ZFHX3: variants seen among roughly 807,000 people sequenced by gnomAD.
ZFHX3 encodes zinc finger homeobox 3.
ZFHX3 carries 42 observed loss-of-function variants against 279.1 expected under a neutral mutation model. The ratio of observed to expected loss-of-function variants is 0.15; its 90% CI spans 0.12 to 0.19. The LOEUF (loss-of-function observed/expected upper bound fraction) is 0.19, where lower values mean the gene tolerates loss of function less well. Among genes scored for constraint, ZFHX3 ranks in the 10% least tolerant of loss-of-function variants. The probability of loss-of-function intolerance (pLI) is 1.00; values close to 1 mark genes in which losing one functional copy is unlikely to be tolerated. For missense variants in ZFHX3, 4,981 were observed against 4,754.0 expected (o/e 1.05, Z -1.40); for synonymous variants, 2,293 against 1,957.8 (o/e 1.17, Z -4.52).
At chr16:72,850,360 C>A (rs1404457916) in intron 4 of ZFHX3, among the ~76,000 whole-genome samples, 1 of 152,250 alleles carries the variant, frequency 6.6e-6, no homozygotes, top group Non-Finnish European at 1.5e-5. Flanking sequence ...ACAGGACGAA[C>A]GACCATCCCA....
intron 7 of ZFHX3, among the ~76,000 whole-genome samples, chr16:73,112,356 T>C (rs923579641): frequency 1.3e-4 from 20 of 151,754 alleles, no homozygotes; most frequent in African/African-American, 4.8e-4. Context: ...GCAAGGAGCT[T>C]TGGGAGTCCT....
At chr16:73,599,479 G>C (rs926024600) in intron 2 of ZFHX3, among the ~76,000 whole-genome samples, 1 of 152,216 alleles carries the variant, frequency 6.6e-6, no homozygotes, top group Non-Finnish European at 1.5e-5. Context: ...AGCAGAAGTG[G>C]GGCCCTTCTG....
intron 5 of ZFHX3, among the ~76,000 whole-genome samples, chr16:72,827,219 G>A (rs1160939890): frequency 6.6e-6 from 1 of 152,146 alleles, no homozygotes; most frequent in Non-Finnish European, 1.5e-5. Context: ...ATGCTGCCTT[G>A]CAACAGAGGA....
intron 7 of ZFHX3, among the ~76,000 whole-genome samples, chr16:72,801,938 C>G (rs1240192176): frequency 6.6e-6 from 1 of 151,818 alleles, no homozygotes; most frequent in Non-Finnish European, 1.5e-5. Flanking sequence ...AAGACTCCCC[C>G]CCACCTCCTT....
Position 72,950,786 on chromosome 16 carries a change from C to T in ZFHX3, c.2899G>A (p.Val967Met), listed in dbSNP as rs776123634. The change falls in exon 3 of 10, where the codon GTG (valine) becomes ATG (methionine). Residue 967 changes from valine (V) to methionine (M), a missense_variant. Coordinates refer to ENST00000268489, the MANE Select transcript of ZFHX3 (RefSeq NM_006885.4). ...TCGTCCTCCGACAGGCTGCGCTCCA[C>T]GTTCATGTGCAGGCCCAGCATGTCC... Reference protein sequence around the residue: ...NLDMLGLHMNVERSLSEDEWK... With the variant: ...NLDMLGLHMNMERSLSEDEWK... The T allele has an allele frequency of 1.9e-6, 3 of 1,614,248 alleles. No homozygotes were observed. The highest frequency in any genetic ancestry group is 1.6e-4 in the Middle Eastern group (1 of 6,062).
intron 3 of ZFHX3, among the ~76,000 whole-genome samples, chr16:73,352,243 G>A (rs1242563002): frequency 6.6e-6 from 1 of 152,120 alleles, no homozygotes; most frequent in Non-Finnish European, 1.5e-5. Flanking sequence ...TGCACTGCAT[G>A]GCCTAAAGCA....
intron 3 of ZFHX3, among the ~76,000 whole-genome samples, chr16:73,319,338 C>G (rs944573736): frequency 3.3e-5 from 5 of 151,836 alleles, no homozygotes; most frequent in African/African-American, 1.2e-4. Context: ...TTTCAACATC[C>G]CCACTCTCGC....
At chr16:73,640,015 G>A (rs894211634) in intron 2 of ZFHX3, among the ~76,000 whole-genome samples, 3 of 152,252 alleles carry the variant, frequency 2.0e-5, no homozygotes, top group Admixed American at 6.5e-5. Flanking sequence ...AAGAGCATTT[G>A]GAGCTCTACG....
chr16:73,157,241 G>A (rs545996523), intron 5 of ZFHX3, among the ~76,000 whole-genome samples: 1 of 152,094 alleles, frequency 6.6e-6, no homozygotes, highest in South Asian at 2.1e-4. Flanking sequence ...GTATGTTTGG[G>A]TAGATGGTGC....
At chr16:73,719,052 A>G (rs549133251) in intron 1 of ZFHX3, among the ~76,000 whole-genome samples, 10 of 152,202 alleles carry the variant, frequency 6.6e-5, no homozygotes, top group Non-Finnish European at 1.5e-4. Context: ...TTGATGTCAC[A>G]TGTTCAGCTA....
chr16:72,963,926 C>T (rs1202336686), intron 1 of ZFHX3, among the ~76,000 whole-genome samples: 1 of 152,118 alleles, frequency 6.6e-6, no homozygotes, highest in Non-Finnish European at 1.5e-5. Flanking sequence ...TCACAAGAGG[C>T]TGTCTGGTAG....
At chr16:73,003,518 C>CCA (rs1555539735) in intron 1 of ZFHX3, among the ~76,000 whole-genome samples, 3 of 133,070 alleles carry the variant, frequency 2.3e-5, no homozygotes, top group African/African-American at 8.3e-5. Context: ...TGAGACCCCC[C>CCA]CCTCCCCACC....
At chr16:73,774,192 G>A (rs1052583438) in intron 1 of ZFHX3, among the ~76,000 whole-genome samples, 5 of 151,994 alleles carry the variant, frequency 3.3e-5, no homozygotes, top group Non-Finnish European at 5.9e-5. Context: ...ATTTACTCAT[G>A]ACTCCTTGGT....
At position 73,784,792 on chromosome 16, in the gene ZFHX3, A is replaced by T. The variant is rs561896995; in HGVS notation, c.-1607-104552T>A. On this transcript the variant is annotated intron_variant, in intron 1 of 17. Transcript: ENST00000641206. ...AAAACTATTTTTAACAAAATAAAAA[A>T]AAAAATATATATATATATATATATA... 1.6e-3 allele frequency among the ~76,000 whole-genome samples: 187 copies of T among 115,568 alleles called. 1 individual carries two copies. Among genetic ancestry groups the T allele is most frequent in the East Asian group, 9.8e-3 (45 of 4,570 alleles). The allele number at this position is 115,568 out of a possible 152,430, so 75.8% of individuals were successfully genotyped here.
At chr16:73,801,272 A>G (rs328398) in intron 1 of ZFHX3, among the ~76,000 whole-genome samples, 8,481 of 152,258 alleles carry the variant, frequency 0.056, 748 homozygotes, top group African/African-American at 0.19. Context: ...GAGCAATTCA[A>G]ACCAGTTCAA....
At chr16:73,554,493 G>A (rs757729059) in intron 2 of ZFHX3, among the ~76,000 whole-genome samples, 1 of 152,130 alleles carries the variant, frequency 6.6e-6, no homozygotes. Flanking sequence ...ACTTAAACGC[G>A]CTGTAGACAG....
intron 2 of ZFHX3, among the ~76,000 whole-genome samples, chr16:73,589,292 C>T (rs1384005321): frequency 1.6e-5 from 2 of 123,460 alleles, no homozygotes; most frequent in South Asian, 2.7e-4. Flanking sequence ...AAAAAAAAGC[C>T]AGGTGTGGTG....
intron 2 of ZFHX3, among the ~76,000 whole-genome samples, chr16:73,601,998 G>A (rs2052123466): frequency 6.6e-6 from 1 of 152,120 alleles, no homozygotes; most frequent in Non-Finnish European, 1.5e-5. Context: ...CAGGTGCGGT[G>A]GCATATGCCT....
rs924973272 is a variant in ZFHX3 at position 73,037,057 on chromosome 16, C to G, written c.-50+10695G>C. ...AAAGACCCTCACCCCACCCTCCCAT[C>G]AACTATACCTTGTCAAAGTACAAAT... On this transcript the variant is annotated intron_variant, in intron 1 of 9. Coordinates refer to ENST00000268489, the MANE Select transcript of ZFHX3 (RefSeq NM_006885.4). Among the ~76,000 whole-genome samples the G allele has an allele frequency of 5.9e-5, 9 of 152,290 alleles. 1 individual carries two copies. The highest frequency in any genetic ancestry group is 4.2e-4 in the South Asian group (2 of 4,814).
Sources: allele counts gnomAD v4.1 joint callset (sites outside exome capture counted in the v4.1 genomes callset), GRCh38; gene constraint gnomAD v4.1.1; transcripts MANE v1.5; gene names NCBI Gene and HGNC (gene_info 2026-07-23, HGNC 2026-07-21).